CRADD: variants seen among roughly 807,000 people sequenced by gnomAD.
CRADD encodes the protein CARD and death domain containing adaptor protein.
Under a neutral mutation model 15.5 loss-of-function variants are expected in CRADD, and 9 were observed. That is an observed-to-expected ratio of 0.58 (90% CI 0.35 to 1.01). The LOEUF is 1.01. Ranked by LOEUF, CRADD falls within the 50% of genes least tolerant of loss-of-function variation. The probability of loss-of-function intolerance (pLI) is 0.02; values close to 1 mark genes in which losing one functional copy is unlikely to be tolerated. For synonymous variants in CRADD, 118 were observed against 107.6 expected, an observed-to-expected ratio of 1.10 and a Z score of -0.60; for missense variants, 227 against 250.3, an observed-to-expected ratio of 0.91 and a Z score of 0.63.
At chr12:93,803,439 T>G (rs1247552827) in intron 2 of CRADD, among the ~76,000 whole-genome samples, 2 of 152,166 alleles carry the variant, frequency 1.3e-5, no homozygotes, top group African/African-American at 2.4e-5. Context: ...TGCCAAGTAT[T>G]GTTTGTGAGC....
At chr12:93,701,305 C>CAA (rs151283233) in intron 2 of CRADD, among the ~76,000 whole-genome samples, 2 of 151,336 alleles carry the variant, frequency 1.3e-5, no homozygotes, top group Non-Finnish European at 2.9e-5. Context: ...GACACACACA[C>CAA]ACACACACAC....
At chr12:93,743,500 T>C (rs1267981024) in intron 2 of CRADD, among the ~76,000 whole-genome samples, 1 of 152,176 alleles carries the variant, frequency 6.6e-6, no homozygotes, top group Admixed American at 6.5e-5. Context: ...TGGTTAAGTT[T>C]TGTATTTTTT....
intron 2 of CRADD, among the ~76,000 whole-genome samples, chr12:93,796,892 G>T (rs562484845): frequency 1.3e-5 from 2 of 152,114 alleles, no homozygotes; most frequent in Non-Finnish European, 2.9e-5. Flanking sequence ...ACGTGCTCAC[G>T]TGCATCTTAG....
chr12:93,751,035 T>G (rs1956823129), intron 2 of CRADD, among the ~76,000 whole-genome samples: 1 of 152,204 alleles, frequency 6.6e-6, no homozygotes, highest in Non-Finnish European at 1.5e-5. Flanking sequence ...CTTGCCTGTG[T>G]CTACTATACT....
chr12:93,769,875 A>G (rs1465756019), intron 2 of CRADD, among the ~76,000 whole-genome samples: 1 of 152,048 alleles, frequency 6.6e-6, no homozygotes, highest in Admixed American at 6.6e-5. Flanking sequence ...ATTTGTACTT[A>G]TATATTCTAG....
chr12:93,854,496 G>GT (rs1958254868), downstream of CRADD, among the ~76,000 whole-genome samples: 1 of 152,230 alleles, frequency 6.6e-6, no homozygotes, highest in South Asian at 2.1e-4. Context: ...CTCAGAGTCA[G>GT]TGCGGGAGGG....
intron 2 of CRADD, among the ~76,000 whole-genome samples, chr12:93,735,219 C>T (rs1956545530): frequency 6.6e-6 from 1 of 152,186 alleles, no homozygotes; most frequent in African/African-American, 2.4e-5. Flanking sequence ...ATGGTTTGTT[C>T]CATCTCACTT....
chr12:93,698,552 G>A (rs931955611), intron 2 of CRADD, among the ~76,000 whole-genome samples: 1 of 152,122 alleles, frequency 6.6e-6, no homozygotes, highest in South Asian at 2.1e-4. Context: ...GCTGTTTAAA[G>A]TATTTTGTTT....
chr12:93,785,074 A>G (rs1375088784), intron 2 of CRADD, among the ~76,000 whole-genome samples: 2 of 152,024 alleles, frequency 1.3e-5, no homozygotes. Flanking sequence ...GAATAAGTAC[A>G]ATGTTGTGTT....
intron 2 of CRADD, among the ~76,000 whole-genome samples, chr12:93,825,397 C>A (rs1406715980): frequency 6.6e-6 from 1 of 152,172 alleles, no homozygotes; most frequent in East Asian, 1.9e-4. Context: ...ATATTAGTGA[C>A]CCCTTGGGAG....
chr12:93,887,243 C>A (rs774681283), intron 2 of CRADD, among the ~76,000 whole-genome samples: 11 of 152,182 alleles, frequency 7.2e-5, no homozygotes, highest in Non-Finnish European at 1.5e-4. Context: ...AAAGGGAGAT[C>A]AAAACGATGA....
At chr12:93,831,906 T>C (rs1318682841) in intron 2 of CRADD, among the ~76,000 whole-genome samples, 2 of 152,238 alleles carry the variant, frequency 1.3e-5, no homozygotes, top group African/African-American at 4.8e-5. Flanking sequence ...TCCAAACTTG[T>C]GTGTTAATGG....
At chr12:93,741,916 C>T (rs992811240) in intron 2 of CRADD, among the ~76,000 whole-genome samples, 6 of 152,070 alleles carry the variant, frequency 3.9e-5, no homozygotes, top group African/African-American at 1.4e-4. Flanking sequence ...GCTTCTGAAC[C>T]CTTAGTGCTC....
downstream of CRADD, among the ~76,000 whole-genome samples, chr12:93,850,983 G>C (rs1022122676): frequency 6.6e-6 from 1 of 152,062 alleles, no homozygotes; most frequent in South Asian, 2.1e-4. The surrounding 1 kb of genome is among the most constrained non-coding windows in gnomAD (Gnocchi z 4.0). Flanking sequence ...ATGCATACCC[G>C]AGCCCTTCAT....
At chr12:93,698,446 G>T (rs750052277) in intron 2 of CRADD, among the ~76,000 whole-genome samples, 52 of 152,204 alleles carry the variant, frequency 3.4e-4, no homozygotes, top group Non-Finnish European at 5.7e-4. Flanking sequence ...TGTTATCAAG[G>T]CATGCTGCTA....
intron 2 of CRADD, among the ~76,000 whole-genome samples, chr12:93,705,059 C>T (rs1446164594): frequency 2.0e-5 from 3 of 152,202 alleles, no homozygotes; most frequent in Admixed American, 6.5e-5. Context: ...CTGGAATTAT[C>T]CTCCGCACTT....
At chr12:93,737,007 G>A (rs1956582061) in intron 2 of CRADD, among the ~76,000 whole-genome samples, 1 of 152,226 alleles carries the variant, frequency 6.6e-6, no homozygotes, top group African/African-American at 2.4e-5. Flanking sequence ...AGCAAACATA[G>A]TACTTCTCTG....
At chr12:93,715,128 T>G (rs1956140131) in intron 2 of CRADD, among the ~76,000 whole-genome samples, 1 of 152,092 alleles carries the variant, frequency 6.6e-6, no homozygotes, top group South Asian at 2.1e-4. Context: ...CTTGGATGAG[T>G]TTTATTAAAC....
At chr12:93,707,802 A>G (rs996850744) in intron 2 of CRADD, 1 of 152,184 alleles carries the variant, frequency 6.6e-6, no homozygotes, top group East Asian at 1.9e-4. Context: ...GCATTTATTT[A>G]ATAGCAATTT....
Sources: gnomAD v4.1 joint callset for allele counts (sites outside exome capture counted in the v4.1 genomes callset) on GRCh38, gnomAD v4.1.1 for gene constraint, Gnocchi (gnomAD v3.1) non-coding constraint, MANE v1.5 for transcripts, NCBI Gene and HGNC (gene_info 2026-07-23, HGNC 2026-07-21) for gene names.